The following SOD2 variants were observed in gnomAD, a reference collection of about 807,000 sequenced individuals.
SOD2 encodes the protein superoxide dismutase 2, also known as superoxide dismutase [Mn], mitochondrial.
Under a neutral mutation model 27.0 loss-of-function variants are expected in SOD2, and 11 were observed. The ratio of observed to expected loss-of-function variants is 0.41; its 90% CI spans 0.26 to 0.67. The LOEUF (loss-of-function observed/expected upper bound fraction) is 0.67. Ranked by LOEUF, SOD2 falls within the 30% of genes least tolerant of loss-of-function variation. The probability of loss-of-function intolerance (pLI) is 0.34; values close to 1 mark genes in which losing one functional copy is unlikely to be tolerated. For synonymous variants in SOD2, 105 were observed against 103.0 expected (o/e 1.02, Z -0.12); for missense variants, 250 against 274.5 (o/e 0.91, Z 0.63).
intron 1 of SOD2, among the ~76,000 whole-genome samples, chr6:159,718,231 C>T (rs1270867232): frequency 6.6e-6 from 1 of 152,094 alleles, no homozygotes; most frequent in African/African-American, 2.4e-5. Flanking sequence ...TTGAGCAATT[C>T]TCCCACTTCT....
In SOD2 at chr6:159,682,515, C is replaced by T. The variant is rs1268855255; in HGVS notation, c.647G>A (p.Arg216Lys). Residue 216 changes from arginine to lysine, a missense_variant, in exon 5 of 5, where the codon AGA becomes AAA. Transcript: ENST00000538183. ...GGTTTACTTTTTGCAAGCCATGTAT[C>T]TTTCAGTTACATTCTCCCAGTTGAT... ...NVINWENVTE[R>K]YMACKK 1 of 1,613,558 alleles carries T rather than the reference C, an allele frequency of 6.2e-7. No individual in the cohort carries two copies. The highest frequency in any genetic ancestry group is 8.5e-7 in the Non-Finnish European group (1 of 1,179,872).
chr6:159,739,041 C>T (rs966526319), intron 1 of SOD2: 6 of 1,610,220 alleles, frequency 3.7e-6, no homozygotes, highest in Admixed American at 1.7e-5. Context: ...TGAGTTAATT[C>T]TAAGGTAAAA....
rs964641250 is a variant in SOD2, at chr6:159,713,515, G to A, written c.-116+13614C>T. Reference sequence around the variant, plus strand: ...CAATGCCGTCTCAGCTATCTCCTGCGAAGCCAACTGCACAAAGGCTTCCCC... The same window carrying A: ...CAATGCCGTCTCAGCTATCTCCTGCAAAGCCAACTGCACAAAGGCTTCCCC... On this transcript the variant is annotated intron_variant, in intron 1 of 2. Coordinates refer to the SOD2 transcript ENST00000401980. The A allele has an allele frequency of 7.4e-6, 5 of 680,190 alleles. No homozygotes were observed. In the East Asian group the frequency reaches 7.6e-5, roughly 10 times the overall value. The allele number at this position is 680,190 out of a possible 1,614,324, so 42.1% of individuals were successfully genotyped here.
rs1171207625 is a variant in SOD2, at chr6:159,680,304, G to GT, written c.*2188dup. On this transcript the variant is annotated 3_prime_UTR_variant, in exon 5 of 5. Coordinates refer to ENST00000538183, the MANE Select transcript of SOD2 (RefSeq NM_000636.4). ...ACGACCTTCCTTAGAGAGGCAAGCA[G>GT]TAATCTTACATGACACATAAAAGCT... The GT allele has an allele frequency of 6.6e-6, 1 of 152,110 alleles. No homozygotes were observed. Among genetic ancestry groups the GT allele is most frequent in the Non-Finnish European group, 1.5e-5 (1 of 68,024 alleles). 9.4% of individuals were successfully genotyped at this position (152,110 alleles called of 1,614,324 possible).
At chr6:159,749,426 G>GTTTTTTT (rs35594315), upstream of SOD2, 1 of 817,452 alleles carries the variant, frequency 1.2e-6, no homozygotes, top group Non-Finnish European at 1.5e-6. Context: ...GAAATAGTTG[G>GTTTTTTT]TTTTTTTTTT....
intron 1 of SOD2, chr6:159,736,241 G>C: frequency 6.3e-7 from 1 of 1,577,710 alleles, no homozygotes. Flanking sequence ...CTTGTTTTCC[G>C]CAACTTTTTT....
At position 159,673,946 on chromosome 6, in the gene SOD2, A is replaced by C. The variant is rs1288548455; in HGVS notation, c.*8547T>G. 1 of 151,772 alleles carries C rather than the reference A, an allele frequency of 6.6e-6. No homozygotes were observed. The highest frequency in any genetic ancestry group is 2.4e-5 in the African/African-American group (1 of 41,422). 9.4% of individuals were successfully genotyped at this position (151,772 alleles called of 1,614,324 possible). A position where few individuals can be genotyped will look rare whatever the true frequency, so the allele number is the denominator to read the frequency against. On this transcript the variant is annotated 3_prime_UTR_variant, in exon 5 of 5. Coordinates refer to ENST00000538183, the MANE Select transcript of SOD2 (RefSeq NM_000636.4). ...CACCAATCCCACAGAAATACAGAGT[A>C]CACAGAGAATACTATAAACACCTCT... is the stretch of plus-strand genomic sequence containing the variant.
chr6:159,741,711 G>C (rs920474512), intron 1 of SOD2: 4 of 175,744 alleles, frequency 2.3e-5, no homozygotes, highest in African/African-American at 9.6e-5. Context: ...ATTTAGGCTG[G>C]GTGTGGTGAC....
intron 1 of SOD2, among the ~76,000 whole-genome samples, chr6:159,759,718 C>G (rs941775752): frequency 2.6e-5 from 4 of 151,864 alleles, no homozygotes; most frequent in Admixed American, 1.3e-4. Flanking sequence ...TATTCTTAGT[C>G]TCTGTCTGTC....
Position 159,674,806 on chromosome 6 carries a change from T to C in SOD2, c.*7687A>G, listed in dbSNP as rs1288312619. 1 of 152,218 alleles carries C rather than the reference T, an allele frequency of 6.6e-6. No individual in the cohort carries two copies. Among genetic ancestry groups the C allele is most frequent in the Non-Finnish European group, 1.5e-5 (1 of 68,044 alleles). The allele number at this position is 152,218 out of a possible 1,614,324, so 9.4% of individuals were successfully genotyped here. A position where few individuals can be genotyped will look rare whatever the true frequency, so the allele number is the denominator to read the frequency against. The stretch of plus-strand genomic sequence containing the variant: ...CAATAAGGAAAAGAGGAAGTCAAAT[T>C]GTCCCTGTTTGCAGATGACATGATT... On this transcript the variant is annotated 3_prime_UTR_variant, in exon 5 of 5. Transcript: ENST00000538183.
At chr6:159,708,856 CT>C (rs1238581455) in intron 1 of SOD2, among the ~76,000 whole-genome samples, 1 of 150,572 alleles carries the variant, frequency 6.6e-6, no homozygotes, top group Non-Finnish European at 1.5e-5. Context: ...ATCACGCTGA[CT>C]TCAAACTATA....
intron 1 of SOD2, among the ~76,000 whole-genome samples, chr6:159,702,676 A>AGAAAG (rs1300457120): frequency 7.0e-6 from 1 of 143,046 alleles, no homozygotes; most frequent in African/African-American, 2.8e-5. Flanking sequence ...AAAAAAAAAA[A>AGAAAG]AAAGAAAGAA....
chr6:159,687,350 T>C (rs1780239154), intron 3 of SOD2, among the ~76,000 whole-genome samples: 2 of 152,116 alleles, frequency 1.3e-5, no homozygotes, highest in Admixed American at 6.5e-5. Context: ...CCGGGAGTGA[T>C]GCCACATGCC....
upstream of SOD2, among the ~76,000 whole-genome samples, chr6:159,731,739 G>A (rs1427605555): frequency 3.9e-5 from 6 of 152,092 alleles, no homozygotes; most frequent in South Asian, 1.2e-3. Context: ...ACAGTATTTG[G>A]GCCCTGGTTG....
At chr6:159,703,461 A>C (rs1030063317) in intron 1 of SOD2, among the ~76,000 whole-genome samples, 4 of 151,996 alleles carry the variant, frequency 2.6e-5, no homozygotes, top group Non-Finnish European at 5.9e-5. Context: ...ATACTTCTAA[A>C]TGGAAATCAC....
chr6:159,745,119 A>G (rs1446965433), intron 1 of SOD2: 1 of 152,256 alleles, frequency 6.6e-6, no homozygotes, highest in Non-Finnish European at 1.5e-5. Flanking sequence ...TACACGAGAA[A>G]TGGATCTTAC....
intron 1 of SOD2, chr6:159,755,736 GTTTTTTTTCTTTGTT>G (rs1562469482): frequency 4.4e-5 from 16 of 365,032 alleles, no homozygotes; most frequent in African/African-American, 3.0e-4. Context: ...TTTTTTTGTT[GTTTTTTTTCTTTGTT>G]TTTTTTTTCT....
rs1003573316 is a variant in SOD2, at chr6:159,708,292, T to G, written c.-115-15429A>C. ...AGGGCCATCAGGCAGGAGAAAGAAA[T>G]AAAGGGTATTCAATTAGGAAAAGAG... On this transcript the variant is annotated intron_variant, in intron 1 of 2. Coordinates refer to the SOD2 transcript ENST00000401980. 3.9e-5 allele frequency among the ~76,000 whole-genome samples: 6 copies of G among 152,228 alleles called. No individual in the cohort carries two copies. The South Asian group carries it at 1.2e-3, about 32-fold the overall frequency.
At chr6:159,736,208 T>C in intron 1 of SOD2, 1 of 1,563,876 alleles carries the variant, frequency 6.4e-7, no homozygotes, top group Non-Finnish European at 8.7e-7. Flanking sequence ...ATTCCTACTT[T>C]CACTGGAAGA....
Sources: gnomAD v4.1 joint callset for allele counts (sites outside exome capture counted in the v4.1 genomes callset) on GRCh38, gnomAD v4.1.1 for gene constraint, MANE v1.5 for transcripts, NCBI Gene and HGNC (gene_info 2026-07-23, HGNC 2026-07-21) for gene names.